The following AGMO variants were observed in gnomAD, a reference collection of about 807,000 sequenced individuals.
AGMO encodes the protein glyceryl-ether monooxygenase.
A neutral mutation model predicts 60.2 loss-of-function variants in AGMO; 75 were observed. The ratio of observed to expected loss-of-function variants is 1.25; its 90% CI spans 1.03 to 1.51. The LOEUF is 1.51. AGMO is among the 40% of genes most tolerant of loss of function. The pLI is 0.00. For missense variants in AGMO, 763 were observed against 525.5 expected, an observed-to-expected ratio of 1.45 and a Z score of -4.42; for synonymous variants, 261 against 177.1, an observed-to-expected ratio of 1.47 and a Z score of -3.76.
intron 4 of AGMO, among the ~76,000 whole-genome samples, chr7:15,420,280 C>T (rs1780890966): frequency 6.6e-6 from 1 of 151,968 alleles, no homozygotes; most frequent in Non-Finnish European, 1.5e-5. Flanking sequence ...GAGCTTTTAC[C>T]ATGCTAATGT....
the AGMO span, among the ~76,000 whole-genome samples, chr7:15,172,810 T>G: frequency 6.6e-6 from 1 of 152,088 alleles, no homozygotes; most frequent in African/African-American, 2.4e-5. Context: ...CGGAGACTTG[T>G]GTGGGGAGAG....
the AGMO span, among the ~76,000 whole-genome samples, chr7:15,133,502 G>GCT: frequency 6.6e-6 from 1 of 151,768 alleles, no homozygotes; most frequent in Non-Finnish European, 1.5e-5. Context: ...ACCATTAGCT[G>GCT]GAGGCTAAAA....
intron 12 of AGMO, among the ~76,000 whole-genome samples, chr7:15,362,145 A>AAAAGAACAGTTTTAATT (rs1782793391): frequency 6.6e-6 from 1 of 152,194 alleles, no homozygotes; most frequent in Non-Finnish European, 1.5e-5. Context: ...CAGTTTTAAT[A>AAAAGAACAGTTTTAATT]AAAGAACAGT....
intron 12 of AGMO, among the ~76,000 whole-genome samples, chr7:15,279,002 T>C (rs1214884763): frequency 1.3e-5 from 2 of 152,086 alleles, no homozygotes; most frequent in African/African-American, 4.8e-5. Context: ...TTGAGTCACA[T>C]GAAAGTGCTT....
At chr7:15,474,216 G>A in intron 3 of AGMO, among the ~76,000 whole-genome samples, 1 of 151,912 alleles carries the variant, frequency 6.6e-6, no homozygotes, top group East Asian at 1.9e-4. Context: ...ATTTCATATG[G>A]AACCAAAAAA....
downstream of AGMO, among the ~76,000 whole-genome samples, chr7:15,197,646 T>C (rs73275391): frequency 0.034 from 5,252 of 152,316 alleles, 318 homozygotes; most frequent in African/African-American, 0.12. Context: ...TTCAGACATA[T>C]GGCAATCCTA....
intron 3 of AGMO, among the ~76,000 whole-genome samples, chr7:15,516,850 C>T (rs553142959): frequency 3.3e-5 from 5 of 151,836 alleles, no homozygotes; most frequent in African/African-American, 1.2e-4. Context: ...TTCCTTCTGG[C>T]TCTGGAGAGA....
At chr7:15,393,596 T>G (rs956176798) in intron 6 of AGMO, among the ~76,000 whole-genome samples, 1 of 152,204 alleles carries the variant, frequency 6.6e-6, no homozygotes, top group Non-Finnish European at 1.5e-5. Context: ...GTTGGTGTCT[T>G]TAAACGTTAG....
chr7:15,382,788 G>C (rs1783746308), intron 10 of AGMO, among the ~76,000 whole-genome samples: 1 of 152,026 alleles, frequency 6.6e-6, no homozygotes, highest in Non-Finnish European at 1.5e-5. Flanking sequence ...ACACCTAATG[G>C]ACACTCCTAC....
chr7:15,347,546 A>T (rs528486220), intron 12 of AGMO, among the ~76,000 whole-genome samples: 1 of 152,108 alleles, frequency 6.6e-6, no homozygotes, highest in South Asian at 2.1e-4. Context: ...AGCTTAAAAT[A>T]ATTAAAACCT....
At chr7:15,357,039 G>A (rs892054666) in intron 12 of AGMO, among the ~76,000 whole-genome samples, 7 of 150,960 alleles carry the variant, frequency 4.6e-5, no homozygotes, top group Admixed American at 4.6e-4. Context: ...CAGGAGAATC[G>A]CTTAAACCTG....
intron 8 of AGMO, 147 bp from the exon 9 acceptor site, chr7:15,387,687 C>A: frequency 1.5e-6 from 1 of 669,920 alleles, no homozygotes; most frequent in Non-Finnish European, 2.5e-6. Flanking sequence ...TGTGTAATTG[C>A]ATTCCATGCT....
intron 3 of AGMO, among the ~76,000 whole-genome samples, chr7:15,507,613 G>A (rs868340861): frequency 8.5e-5 from 13 of 152,072 alleles, no homozygotes; most frequent in South Asian, 2.1e-4. Context: ...AAATTGCAGC[G>A]TCATAACTTT....
intron 3 of AGMO, among the ~76,000 whole-genome samples, chr7:15,472,716 A>G (rs11770008): frequency 0.34 from 52,253 of 151,796 alleles, 10,306 homozygotes; most frequent in East Asian, 0.61. Flanking sequence ...TTAAAGGAAC[A>G]TTGTTGTGGT....
chr7:15,306,674 AG>A, intron 12 of AGMO: 1 of 334,654 alleles, frequency 3.0e-6, no homozygotes, highest in South Asian at 2.3e-5. Context: ...TCAAATAGTT[AG>A]ATTTTAATGT....
intron 3 of AGMO, among the ~76,000 whole-genome samples, chr7:15,524,490 T>A (rs1330524578): frequency 3.9e-5 from 6 of 152,192 alleles, no homozygotes; most frequent in Admixed American, 6.5e-5. Context: ...ACTAATTAAA[T>A]TTTTAATGGC....
chr7:15,215,294 C>A (rs1386905381), intron 12 of AGMO, among the ~76,000 whole-genome samples: 2 of 152,064 alleles, frequency 1.3e-5, no homozygotes, highest in East Asian at 1.9e-4. Context: ...TTATAATTGG[C>A]TAAATTTCTC....
chr7:15,242,888 T>C (rs576331144), intron 12 of AGMO, among the ~76,000 whole-genome samples: 22 of 152,238 alleles, frequency 1.4e-4, no homozygotes, highest in African/African-American at 4.8e-4. Context: ...ACATTAAGTG[T>C]ATATAATGAT....
intron 12 of AGMO, among the ~76,000 whole-genome samples, chr7:15,281,852 C>T (rs996359322): frequency 3.3e-5 from 5 of 152,268 alleles, no homozygotes; most frequent in African/African-American, 1.2e-4. Context: ...CAAGAAACTT[C>T]TGCCATTCCA....
Sources: gnomAD v4.1 joint callset for allele counts (sites outside exome capture counted in the v4.1 genomes callset) on GRCh38, gnomAD v4.1.1 for gene constraint, MANE v1.5 for transcripts, NCBI Gene and HGNC (gene_info 2026-07-23, HGNC 2026-07-21) for gene names.